EPG5: variants seen among roughly 807,000 people sequenced by gnomAD.
EPG5 encodes the protein ectopic P granules protein 5 homolog.
A neutral mutation model predicts 302.7 loss-of-function variants in EPG5; 159 were observed. The observed-to-expected ratio is 0.53, with a 90% confidence interval of 0.46 to 0.60. The LOEUF is 0.60. Ranked by LOEUF, EPG5 falls within the 20% of genes least tolerant of loss-of-function variation. The pLI is 0.00. For synonymous variants in EPG5, 1,158 were observed against 1,136.8 expected (o/e 1.02, Z -0.37); for missense variants, 2,896 against 3,092.4 (o/e 0.94, Z 1.51).
At chr18:45,905,609 T>G (rs1382704613) in intron 24 of EPG5, among the ~76,000 whole-genome samples, 1 of 152,214 alleles carries the variant, frequency 6.6e-6, no homozygotes, top group African/African-American at 2.4e-5. Context: ...ATAGAGCAAC[T>G]ACTAGGAATT....
intron 20 of EPG5, among the ~76,000 whole-genome samples, chr18:45,914,981 A>C (rs1184933875): frequency 1.3e-5 from 2 of 151,852 alleles, no homozygotes; most frequent in African/African-American, 4.8e-5. Context: ...AAAAAAAAAA[A>C]AAAAGAAACA....
Position 45,948,490 on chromosome 18 carries a change from C to T in EPG5, c.1571+13G>A, listed in dbSNP as rs754068959. On this transcript the variant is annotated intron_variant, in intron 6 of 43. Transcript: ENST00000282041. ...ATTTCAATCTCTACTTCACAAAGCT[C>T]TTGCACACTTACTTGACAGGAGACA... 12 of 1,608,094 alleles carry T rather than the reference C, an allele frequency of 7.5e-6. No individual in the cohort carries two copies. Among genetic ancestry groups the T allele is most frequent in the Non-Finnish European group, 8.5e-7 (1 of 1,174,748 alleles).
chr18:45,889,773 AAATTAT>A lies in EPG5; in HGVS notation c.4952+19_4952+24del, dbSNP rs1336849430. 6.3e-7 allele frequency: 1 copy of A among 1,591,222 alleles called. No homozygotes were observed. The highest frequency in any genetic ancestry group is 1.3e-5 in the African/African-American group (1 of 74,336). On this transcript the variant is annotated intron_variant, in intron 28 of 43. Transcript: ENST00000282041. ...ATTCATGATAACAAAACAGTATTTCAAATTATAATGCCTGCAAAACTTACGTGATCA... is the reference window on the plus strand; with the variant it reads ...ATTCATGATAACAAAACAGTATTTCAAATGCCTGCAAAACTTACGTGATCA...
the EPG5 span, among the ~76,000 whole-genome samples, chr18:45,817,855 G>A: frequency 1.3e-5 from 2 of 152,210 alleles, no homozygotes; most frequent in Non-Finnish European, 2.9e-5. Flanking sequence ...AATAAGGCCA[G>A]TCCACAGGAG....
At chr18:45,819,992 T>C in the EPG5 span, among the ~76,000 whole-genome samples, 1 of 152,164 alleles carries the variant, frequency 6.6e-6, no homozygotes, top group South Asian at 2.1e-4. Context: ...AAATAAAATA[T>C]GTATTTGCCC....
At chr18:45,830,752 A>ATTT in the EPG5 span, among the ~76,000 whole-genome samples, 7,554 of 117,988 alleles carry the variant, frequency 0.064, 528 homozygotes, top group African/African-American at 0.15. Context: ...TGCCAGGCTA[A>ATTT]TTTTTTTTTT....
rs1376978506 is a variant in EPG5, at chr18:45,966,244, C to T, written c.63+933G>A. The stretch of plus-strand genomic sequence containing the variant: ...AAAATTAGCCGGGCGTGGTGGCAGG[C>T]GCCTGTAGTCCCAGCTACTCGGGAG... On this transcript the variant is annotated intron_variant, in intron 1 of 43. Coordinates refer to ENST00000282041, the MANE Select transcript of EPG5 (RefSeq NM_020964.3). 3.3e-5 allele frequency among the ~76,000 whole-genome samples: 5 copies of T among 150,744 alleles called. No individual in the cohort carries two copies. The East Asian group carries it at 7.9e-4, about 24-fold the overall frequency.
rs565731803 is a variant in EPG5 at position 45,853,919 on chromosome 18, C to T, written c.7558-1270G>A. On this transcript the variant is annotated intron_variant, in intron 43 of 43. Coordinates refer to ENST00000282041, the MANE Select transcript of EPG5 (RefSeq NM_020964.3). ...CAGTCTACTTTGACAGTTTGCCTAA[C>T]GATAATCATTTTCTAAAAAGACAAC... 2.3e-4 allele frequency among the ~76,000 whole-genome samples: 35 copies of T among 152,246 alleles called. No individual in the cohort carries two copies. The South Asian group carries it at 7.0e-3, about 31-fold the overall frequency.
intron 25 of EPG5, among the ~76,000 whole-genome samples, 170 bp downstream of exon 25, chr18:45,903,803 C>A (rs2049680798): frequency 6.6e-6 from 1 of 152,214 alleles, no homozygotes. Flanking sequence ...AAAGTAATTA[C>A]ATTTACAGTT....
At chr18:45,903,597 T>A (rs1175685466) in intron 25 of EPG5, among the ~76,000 whole-genome samples, 1 of 152,220 alleles carries the variant, frequency 6.6e-6, no homozygotes, top group Admixed American at 6.5e-5. Context: ...AGCAACTTTA[T>A]AGGTTAAATG....
At chr18:45,911,074 T>C (rs892317409) in intron 22 of EPG5, among the ~76,000 whole-genome samples, 1 of 126,786 alleles carries the variant, frequency 7.9e-6, no homozygotes, top group South Asian at 2.7e-4. Context: ...TATCTATCTA[T>C]CTATACACAC....
At chr18:45,837,854 G>T in the EPG5 span, 2 of 1,539,012 alleles carry the variant, frequency 1.3e-6, no homozygotes, top group Admixed American at 3.8e-5. Flanking sequence ...CGACGTCCAT[G>T]ACCGCTACGA....
the EPG5 span, chr18:45,837,920 C>T: frequency 1.1e-5 from 16 of 1,467,026 alleles, no homozygotes; most frequent in Middle Eastern, 2.4e-4. Flanking sequence ...GGAGCGGGTC[C>T]CCGGCCTCCC....
Position 45,887,808 on chromosome 18 carries a change from C to T in EPG5, c.5052G>A (p.Thr1684=), listed in dbSNP as rs199648768. Residue 1684 remains threonine, a synonymous_variant, in exon 29 of 44, where the codon ACG becomes ACA. Coordinates refer to ENST00000282041, the MANE Select transcript of EPG5 (RefSeq NM_020964.3). Reference sequence around the variant, plus strand: ...ACTGCCTTGTTGGGGGATGACGCTGCGTCTCATCGCTGACGTAATCCACAA... The same window carrying T: ...ACTGCCTTGTTGGGGGATGACGCTGTGTCTCATCGCTGACGTAATCCACAA... The part of the protein sequence containing the change: ...FTIVDYVSDE[T]QRHPPTRQFF... 7.1e-4 allele frequency: 1,136 copies of T among 1,602,954 alleles called. 1 individual carries two copies. Among genetic ancestry groups the T allele is most frequent in the Non-Finnish European group, 8.0e-4 (943 of 1,171,690 alleles).
the EPG5 span, chr18:45,842,554 G>A: frequency 4.6e-6 from 1 of 215,648 alleles, no homozygotes; most frequent in East Asian, 1.1e-4. Flanking sequence ...ACAGGAAACT[G>A]TTTACAGGGC....
the EPG5 span, among the ~76,000 whole-genome samples, chr18:45,821,469 C>G: frequency 1.3e-5 from 2 of 152,142 alleles, no homozygotes; most frequent in Admixed American, 6.5e-5. Flanking sequence ...ATGAGAATAT[C>G]TAACCTAAAT....
the EPG5 span, among the ~76,000 whole-genome samples, chr18:45,841,463 T>C: frequency 6.6e-6 from 1 of 151,958 alleles, no homozygotes; most frequent in Non-Finnish European, 1.5e-5. Context: ...CACTGAATGG[T>C]TTTAAGCGGA....
intron 23 of EPG5, among the ~76,000 whole-genome samples, chr18:45,909,742 G>A (rs184084413): frequency 6.6e-5 from 10 of 152,272 alleles, no homozygotes; most frequent in Admixed American, 2.6e-4. Flanking sequence ...CCTGAATCCC[G>A]TGAAGGATCT....
rs778520749 is a variant in EPG5 at position 45,903,969 on chromosome 18, C to T, written c.4474+4G>A. The T allele has an allele frequency of 2.5e-6, 4 of 1,604,266 alleles. No homozygotes were observed. Among genetic ancestry groups the T allele is most frequent in the Non-Finnish European group, 3.4e-6 (4 of 1,177,880 alleles). Reference sequence around the variant, plus strand: ...TCGAAGGGGCAGGTGCTCCCAGGACCCACCCAGCAAAGGATCAGTGAAGTC... The same window carrying T: ...TCGAAGGGGCAGGTGCTCCCAGGACTCACCCAGCAAAGGATCAGTGAAGTC... On this transcript the variant is annotated splice_donor_region_variant and intron_variant, in intron 25 of 43. Transcript: ENST00000282041.
Sources: allele counts gnomAD v4.1 joint callset (sites outside exome capture counted in the v4.1 genomes callset), GRCh38; gene constraint gnomAD v4.1.1; transcripts MANE v1.5; gene names NCBI Gene and HGNC (gene_info 2026-07-23, HGNC 2026-07-21).